Variants in PGM5 observed in about 807,000 individuals in gnomAD.
PGM5 encodes phosphoglucomutase 5.
PGM5 carries 23 observed loss-of-function variants against 59.2 expected under a neutral mutation model. That is an observed-to-expected ratio of 0.39 (90% CI 0.28 to 0.55). The LOEUF is 0.55. Among genes scored for constraint, PGM5 ranks in the 20% least tolerant of loss-of-function variants. The pLI is 0.66. For synonymous variants in PGM5, 214 were observed against 286.0 expected, an observed-to-expected ratio of 0.75 and a Z score of 2.54; for missense variants, 574 against 748.3, an observed-to-expected ratio of 0.77 and a Z score of 2.72.
chr9:68,466,145 T>C (rs189830090), intron 7 of PGM5: 2 of 1,300,408 alleles, frequency 1.5e-6, no homozygotes, highest in African/African-American at 1.5e-5. Flanking sequence ...CTCCCCTTTT[T>C]TCTTCTTGTG....
At chr9:68,390,955 A>G (rs551184768) in intron 4 of PGM5, among the ~76,000 whole-genome samples, 211 of 151,806 alleles carry the variant, frequency 1.4e-3, no homozygotes, top group Non-Finnish European at 2.4e-3. Context: ...TGTAGAAACT[A>G]TGTGCTTTGC....
At chr9:68,507,791 G>A (rs548421964) in intron 10 of PGM5, among the ~76,000 whole-genome samples, 74 of 152,150 alleles carry the variant, frequency 4.9e-4, no homozygotes, top group African/African-American at 1.7e-3. Flanking sequence ...CAGACAAAAC[G>A]CCAGGGCAAA....
chr9:68,380,027 TG>T (rs1160551817), intron 2 of PGM5, among the ~76,000 whole-genome samples: 1 of 151,890 alleles, frequency 6.6e-6, no homozygotes, highest in African/African-American at 2.4e-5. Context: ...GTACTCCACT[TG>T]CAACAATGGA....
intron 6 of PGM5, among the ~76,000 whole-genome samples, chr9:68,431,186 C>T (rs1210438817): frequency 1.3e-5 from 2 of 152,208 alleles, no homozygotes; most frequent in African/African-American, 4.8e-5. Flanking sequence ...CCCCCAACTC[C>T]ACTTCCTCAC....
At chr9:68,376,500 T>TGTGC (rs1378058928) in intron 1 of PGM5, among the ~76,000 whole-genome samples, 11 of 151,282 alleles carry the variant, frequency 7.3e-5, no homozygotes, top group Admixed American at 2.0e-4. Flanking sequence ...TGTGTGTGTG[T>TGTGC]GTGTGTGTGT....
intron 6 of PGM5, among the ~76,000 whole-genome samples, chr9:68,424,236 C>T (rs1823196642): frequency 6.6e-6 from 1 of 152,208 alleles, no homozygotes; most frequent in East Asian, 1.9e-4. Context: ...TTGTCTTAGT[C>T]TGTTCCAGCT....
In PGM5 at chr9:68,508,754, T is replaced by G. The variant is rs368610023; in HGVS notation, c.1614+9393T>G. On this transcript the variant is annotated intron_variant, in intron 10 of 10. Coordinates refer to ENST00000396396, the MANE Select transcript of PGM5 (RefSeq NM_021965.4). Reference sequence around the variant, plus strand: ...CAAGCTGTGTCCAGCACAATCTGCCTTTCCCAGCAGCCTTTTTGTTCTAGC... The same window carrying G: ...CAAGCTGTGTCCAGCACAATCTGCCGTTCCCAGCAGCCTTTTTGTTCTAGC... Among the ~76,000 whole-genome samples, 16 of 152,332 alleles carry G rather than the reference T, an allele frequency of 1.1e-4. No homozygotes were observed. In the East Asian group the frequency reaches 2.5e-3, roughly 24 times the overall value.
At chr9:68,392,801 A>C (rs1289498429) in intron 6 of PGM5, among the ~76,000 whole-genome samples, 1 of 152,160 alleles carries the variant, frequency 6.6e-6, no homozygotes, top group African/African-American at 2.4e-5. Context: ...AACATTTAAC[A>C]TGGTGCCTGG....
chr9:68,529,558 CT>C lies in PGM5; in HGVS notation c.1615-5del. ...GAGTTGTTCACAGACTTTCCTTTTCCTTTTGCAGGCAGTGCTGAGCCCTCTC... is the reference window on the plus strand; with the variant it reads ...GAGTTGTTCACAGACTTTCCTTTTCCTTTGCAGGCAGTGCTGAGCCCTCTC... On this transcript the variant is annotated splice_polypyrimidine_tract_variant and splice_region_variant and intron_variant, in intron 10 of 10. Coordinates refer to ENST00000396396, the MANE Select transcript of PGM5 (RefSeq NM_021965.4). 6.3e-7 allele frequency: 1 copy of C among 1,579,970 alleles called. No individual in the cohort carries two copies. The highest frequency in any genetic ancestry group is 8.6e-7 in the Non-Finnish European group (1 of 1,157,310).
At position 68,529,164 on chromosome 9, in the gene PGM5, CGTGTGTGTGT is replaced by C. The variant is rs3223716; in HGVS notation, c.1615-365_1615-356del. ...AGGATGAAGAATGAGCTTTTATTCTCGTGTGTGTGTGTGTGTGTGTGTGTGTGTGTGTGTG... is the reference window on the plus strand; with the variant it reads ...AGGATGAAGAATGAGCTTTTATTCTCGTGTGTGTGTGTGTGTGTGTGTGTG... On this transcript the variant is annotated intron_variant, in intron 10 of 10. Transcript: ENST00000396396. 8.7e-3 allele frequency among the ~76,000 whole-genome samples: 1,153 copies of C among 131,942 alleles called. 15 individuals are homozygous for C. The highest frequency in any genetic ancestry group is 0.031 in the African/African-American group (1,070 of 35,050). 86.6% of individuals were successfully genotyped at this position (131,942 alleles called of 152,430 possible). A position where few individuals can be genotyped will look rare whatever the true frequency, so the allele number is the denominator to read the frequency against.
chr9:68,364,359 G>A (rs1834639442), intron 1 of PGM5, among the ~76,000 whole-genome samples: 1 of 152,224 alleles, frequency 6.6e-6, no homozygotes, highest in Non-Finnish European at 1.5e-5. Context: ...AATTCTTGGG[G>A]TGGAAGAAAG....
intron 6 of PGM5, among the ~76,000 whole-genome samples, chr9:68,463,480 A>T (rs1191749856): frequency 6.6e-6 from 1 of 152,166 alleles, no homozygotes; most frequent in African/African-American, 2.4e-5. Context: ...TTCATGAAGC[A>T]CTAAGACATT....
At chr9:68,404,882 T>G (rs1400536885) in intron 6 of PGM5, 1 of 152,258 alleles carries the variant, frequency 6.6e-6, no homozygotes, top group Non-Finnish European at 1.5e-5. Context: ...AAGGAATGTG[T>G]TGGCCCACAT....
chr9:68,448,067 GA>G (rs1241468993), intron 6 of PGM5, among the ~76,000 whole-genome samples: 1 of 152,092 alleles, frequency 6.6e-6, no homozygotes, highest in Non-Finnish European at 1.5e-5. Flanking sequence ...GAGGGAAGAG[GA>G]AAAGGGGCTT....
intron 9 of PGM5, chr9:68,498,137 C>G (rs987674511): frequency 9.9e-5 from 15 of 152,210 alleles, no homozygotes; most frequent in African/African-American, 3.4e-4. Context: ...ATGCCTCCCC[C>G]TTTTGGTTCC....
At chr9:68,461,581 T>TAATG (rs782164785) in intron 6 of PGM5, among the ~76,000 whole-genome samples, 1 of 152,112 alleles carries the variant, frequency 6.6e-6, no homozygotes, top group Admixed American at 6.6e-5. Context: ...GAGGGCTCCT[T>TAATG]CCTCATTAAT....
intron 3 of PGM5, among the ~76,000 whole-genome samples, chr9:68,385,322 A>G (rs1822189407): frequency 6.6e-6 from 1 of 152,214 alleles, no homozygotes; most frequent in South Asian, 2.1e-4. Context: ...TAGTGCTTCT[A>G]TAAGCTTGAA....
intron 7 of PGM5, among the ~76,000 whole-genome samples, chr9:68,469,754 G>C (rs538408357): frequency 6.4e-4 from 97 of 152,304 alleles, no homozygotes; most frequent in African/African-American, 2.1e-3. Context: ...AATGCTTGTA[G>C]GATGGGTGGA....
chr9:68,357,427 C>A, intron 1 of PGM5, 39 bp downstream of exon 1: 2 of 1,544,544 alleles, frequency 1.3e-6, no homozygotes, highest in East Asian at 2.4e-5. Context: ...GCCGCGCCGC[C>A]GCCATGCCCT....
Sources: gnomAD v4.1 joint callset for allele counts (sites outside exome capture counted in the v4.1 genomes callset) on GRCh38, gnomAD v4.1.1 for gene constraint, MANE v1.5 for transcripts, NCBI Gene and HGNC (gene_info 2026-07-23, HGNC 2026-07-21) for gene names.